MAGI1: variants seen among roughly 807,000 people sequenced by gnomAD.
MAGI1 encodes membrane associated guanylate kinase, WW and PDZ domain containing 1, also known as membrane-associated guanylate kinase, WW and PDZ domain-containing protein 1.
MAGI1 carries 58 observed loss-of-function variants against 139.9 expected under a neutral mutation model. The observed-to-expected ratio is 0.41, with a 90% CI of 0.34 to 0.52. MAGI1 has a LOEUF of 0.52. MAGI1 is among the 20% of genes least tolerant of loss of function. The pLI, the probability that MAGI1 is intolerant of heterozygous loss-of-function variation, is 0.12. For missense variants in MAGI1, 1,874 were observed against 1,901.6 expected, an observed-to-expected ratio of 0.99 and a Z score of 0.27; for synonymous variants, 812 against 737.9, an observed-to-expected ratio of 1.10 and a Z score of -1.63.
chr3:66,038,367 C>T lies in MAGI1; in HGVS notation c.-59G>A, dbSNP rs1268374050. Reference sequence around the variant, plus strand: ...CGAGAGACAGGTGCCCCCCACAGCACGAGCCCCCAAGCCTCCGCTTGTTCA... The same window carrying T: ...CGAGAGACAGGTGCCCCCCACAGCATGAGCCCCCAAGCCTCCGCTTGTTCA... On this transcript the variant is annotated 5_prime_UTR_variant, in exon 1 of 23. The change creates a new upstream start codon in the 5' untranslated region. Transcript: ENST00000402939. 2.0e-6 allele frequency: 3 copies of T among 1,502,572 alleles called. No homozygotes were observed. The highest frequency in any genetic ancestry group is 2.8e-5 in the African/African-American group (2 of 71,738). 93.1% of individuals were successfully genotyped at this position (1,502,572 alleles called of 1,614,324 possible). A position where few individuals can be genotyped will look rare whatever the true frequency, so the allele number is the denominator to read the frequency against.
chr3:65,930,972 G>C (rs1260814848), intron 1 of MAGI1, among the ~76,000 whole-genome samples: 3 of 151,778 alleles, frequency 2.0e-5, no homozygotes, highest in African/African-American at 7.3e-5. Flanking sequence ...CATAAAAATA[G>C]CCAACAATCA....
In MAGI1 at chr3:65,648,216, C is replaced by T. The variant is rs574093122; in HGVS notation, c.314-26128G>A. 3.0e-4 allele frequency among the ~76,000 whole-genome samples: 45 copies of T among 151,936 alleles called. No homozygotes were observed. In the South Asian group the frequency reaches 9.1e-3, roughly 31 times the overall value. On this transcript the variant is annotated intron_variant, in intron 1 of 22. Coordinates refer to ENST00000402939, the MANE Select transcript of MAGI1 (RefSeq NM_001033057.2). ...CTGAAGTGCAGTGGCACTATCACAG[C>T]TCACTGAAGCCTCAACCTTTTGAGC... is the stretch of plus-strand genomic sequence containing the variant.
rs566703916 is a variant in MAGI1 at position 65,776,702 on chromosome 3, A to AAC, written c.314-154616_314-154615dup. ...CAACAGAAAACGGTACTCCCCCCGC[A>AAC]ACACACACACAGAATAACCACGAAT... On this transcript the variant is annotated intron_variant, in intron 1 of 22. Coordinates refer to ENST00000402939, the MANE Select transcript of MAGI1 (RefSeq NM_001033057.2). 7.9e-5 allele frequency among the ~76,000 whole-genome samples: 12 copies of AAC among 152,270 alleles called. No individual in the cohort carries two copies. The East Asian group carries it at 1.9e-3, about 25-fold the overall frequency.
rs1038930083 is a variant in MAGI1, at chr3:65,600,453, A to C, written c.430+21519T>G. On this transcript the variant is annotated intron_variant, in intron 2 of 22. Transcript: ENST00000402939. Reference sequence around the variant, plus strand: ...CAGGAAAAAGAGTCCATGAAAATCTACTTGGTTTTTCTCAGAGGTGTAGTA... The same window carrying C: ...CAGGAAAAAGAGTCCATGAAAATCTCCTTGGTTTTTCTCAGAGGTGTAGTA... Among the ~76,000 whole-genome samples, 11 of 152,352 alleles carry C rather than the reference A, an allele frequency of 7.2e-5. 1 individual carries two copies. The highest frequency in any genetic ancestry group is 4.6e-4 in the Admixed American group (7 of 15,306).
intron 1 of MAGI1, among the ~76,000 whole-genome samples, chr3:65,632,040 G>A (rs1255062325): frequency 6.8e-6 from 1 of 147,342 alleles, no homozygotes; most frequent in South Asian, 2.1e-4. Flanking sequence ...AAAAAAAACA[G>A]ATATTTGCAT....
intron 13 of MAGI1, among the ~76,000 whole-genome samples, chr3:65,392,019 G>A (rs964279787): frequency 1.3e-5 from 2 of 152,130 alleles, no homozygotes; most frequent in Non-Finnish European, 2.9e-5. Flanking sequence ...TTAAACTGCC[G>A]ATAGTACTGT....
At chr3:65,731,417 CTG>C (rs1327482737) in intron 1 of MAGI1, among the ~76,000 whole-genome samples, 2 of 151,304 alleles carry the variant, frequency 1.3e-5, no homozygotes, top group Non-Finnish European at 2.9e-5. Flanking sequence ...CTTTGGGAGG[CTG>C]AGGTGGGTGG....
In MAGI1 at chr3:65,765,475, C is replaced by T. The variant is rs151083050; in HGVS notation, c.314-143387G>A. Among the ~76,000 whole-genome samples, 474 of 152,272 alleles carry T rather than the reference C, an allele frequency of 3.1e-3. 3 individuals carry two copies. Among genetic ancestry groups the T allele is most frequent in the African/African-American group, 0.011 (445 of 41,542 alleles). ...AGGAGAGGTGTACTACTCTACCTTA[C>T]ATAATAAAGAAAATTGAATTTTAAA... On this transcript the variant is annotated intron_variant, in intron 1 of 22. Transcript: ENST00000402939.
chr3:66,033,720 T>C (rs1400437380), intron 1 of MAGI1, among the ~76,000 whole-genome samples: 1 of 152,210 alleles, frequency 6.6e-6, no homozygotes, highest in Non-Finnish European at 1.5e-5. Flanking sequence ...TCTCTTTTAT[T>C]ATCTCCACAC....
At chr3:65,573,911 C>T (rs2108083052) in intron 2 of MAGI1, among the ~76,000 whole-genome samples, 1 of 152,148 alleles carries the variant, frequency 6.6e-6, no homozygotes, top group Middle Eastern at 3.4e-3. Flanking sequence ...GTATTATCTA[C>T]AGCTGCTTTC....
intron 3 of MAGI1, among the ~76,000 whole-genome samples, chr3:65,490,277 T>C (rs1951908919): frequency 6.6e-6 from 1 of 152,164 alleles, no homozygotes; most frequent in African/African-American, 2.4e-5. Context: ...CATGCAGCAT[T>C]AAGCAACTTG....
intron 1 of MAGI1, among the ~76,000 whole-genome samples, chr3:65,773,812 TGA>T (rs1016710487): frequency 2.0e-5 from 3 of 152,216 alleles, no homozygotes; most frequent in African/African-American, 7.2e-5. Context: ...TAATCATACT[TGA>T]GTCTTTCATT....
chr3:65,753,924 T>A (rs531984209), intron 1 of MAGI1, among the ~76,000 whole-genome samples: 2 of 152,048 alleles, frequency 1.3e-5, no homozygotes, highest in Non-Finnish European at 2.9e-5. Flanking sequence ...ATCATAGGCA[T>A]GGGAAAGGAC....
At chr3:65,463,474 C>T (rs370823793) in intron 5 of MAGI1, among the ~76,000 whole-genome samples, 58 of 151,692 alleles carry the variant, frequency 3.8e-4, no homozygotes, top group Non-Finnish European at 6.9e-4. Flanking sequence ...GGTGGATAAG[C>T]TTTTTAAAGT....
intron 1 of MAGI1, among the ~76,000 whole-genome samples, chr3:65,846,922 A>G (rs545745259): frequency 4.0e-5 from 6 of 150,454 alleles, no homozygotes; most frequent in Admixed American, 2.7e-4. Context: ...CCCCCAAACA[A>G]AGGAAAGAAA....
intron 3 of MAGI1, among the ~76,000 whole-genome samples, chr3:65,489,604 T>G (rs1386677221): frequency 6.6e-6 from 1 of 152,138 alleles, no homozygotes; most frequent in African/African-American, 2.4e-5. Flanking sequence ...CATAGATAGA[T>G]GTAGAGATAT....
At chr3:65,542,585 C>T (rs1022264479) in intron 2 of MAGI1, among the ~76,000 whole-genome samples, 1 of 152,144 alleles carries the variant, frequency 6.6e-6, no homozygotes, top group Non-Finnish European at 1.5e-5. Flanking sequence ...ACAGAGGCCT[C>T]AGAAATAACA....
intron 1 of MAGI1, among the ~76,000 whole-genome samples, chr3:65,926,325 TTTTC>T (rs1170582139): frequency 1.0e-4 from 8 of 79,952 alleles, no homozygotes; most frequent in Non-Finnish European, 1.6e-4. Flanking sequence ...TGAAGTCTTC[TTTTC>T]TCTCTCTCTC....
intron 2 of MAGI1, among the ~76,000 whole-genome samples, chr3:65,603,559 C>G (rs752121091): frequency 1.3e-5 from 2 of 152,210 alleles, no homozygotes; most frequent in African/African-American, 4.8e-5. Flanking sequence ...TTACTGCCAT[C>G]GAACAGAAAG....
Sources: gnomAD v4.1 joint callset for allele counts (sites outside exome capture counted in the v4.1 genomes callset) on GRCh38, gnomAD v4.1.1 for gene constraint, MANE v1.5 for transcripts, NCBI Gene and HGNC (gene_info 2026-07-23, HGNC 2026-07-21) for gene names.